The following YWHAZ variants were observed in gnomAD, a reference collection of about 807,000 sequenced individuals.
YWHAZ encodes 14-3-3 protein zeta/delta.
For missense variants in YWHAZ, 79 were observed against 284.8 expected, an observed-to-expected ratio of 0.28 and a Z score of 5.20; for synonymous variants, 87 against 103.6, an observed-to-expected ratio of 0.84 and a Z score of 0.97.
At chr8:100,939,425 C>T (rs866076948) in intron 2 of YWHAZ, among the ~76,000 whole-genome samples, 1 of 152,032 alleles carries the variant, frequency 6.6e-6, no homozygotes, top group Non-Finnish European at 1.5e-5. Context: ...CTTTGGAGGC[C>T]GAGGCGGGTG....
intron 1 of YWHAZ, chr8:100,950,611 C>T: frequency 1.0e-6 from 1 of 985,852 alleles, no homozygotes; most frequent in Non-Finnish European, 1.2e-6. Context: ...TTCCTCCCCC[C>T]GACCGGAGCC....
intron 2 of YWHAZ, among the ~76,000 whole-genome samples, chr8:100,935,838 T>C (rs1814110301): frequency 6.6e-6 from 1 of 152,224 alleles, no homozygotes. Context: ...TTCTTGTGTT[T>C]CACTACAGCA....
rs1465947992 is a variant in YWHAZ at position 100,917,397 on chromosome 8, A to C, written c.*3296T>G. ...AATCACACTGCTGCTCCACTTTCTG[A>C]AGGACAACTCTTAAGTGGCCAATTT... On this transcript the variant is annotated 3_prime_UTR_variant, in exon 6 of 6. Transcript: ENST00000395958. 6.6e-6 allele frequency: 1 copy of C among 151,580 alleles called. No individual in the cohort carries two copies. Among genetic ancestry groups the C allele is most frequent in the African/African-American group, 2.4e-5 (1 of 41,396 alleles). 9.4% of individuals were successfully genotyped at this position (151,580 alleles called of 1,614,324 possible).
At position 100,930,614 on chromosome 8, in the gene YWHAZ, A is replaced by T. The variant is rs115291621; in HGVS notation, c.295-5575T>A. ...ATTTAGAAATCCACAGTATTTCCTC[A>T]GTTTACTTCAAAATGTGGATGTAAG... On this transcript the variant is annotated intron_variant, in intron 2 of 5. Transcript: ENST00000395958. Among the ~76,000 whole-genome samples the T allele has an allele frequency of 8.1e-3, 1,226 of 152,284 alleles. 21 individuals are homozygous for T. Among genetic ancestry groups the T allele is most frequent in the African/African-American group, 0.028 (1,165 of 41,556 alleles).
At chr8:100,943,567 C>T (rs1411588090) in intron 2 of YWHAZ, among the ~76,000 whole-genome samples, 1 of 152,186 alleles carries the variant, frequency 6.6e-6, no homozygotes, top group Non-Finnish European at 1.5e-5. Flanking sequence ...GGCCTCTACA[C>T]CTTTCCATTC....
intron 1 of YWHAZ, chr8:100,950,981 G>A (rs1810707383): frequency 4.7e-6 from 1 of 212,664 alleles, no homozygotes; most frequent in Non-Finnish European, 8.1e-6. Flanking sequence ...TCAAGCACGG[G>A]AGCCGACTGC....
chr8:100,920,359 T>C lies in YWHAZ; in HGVS notation c.*334A>G, dbSNP rs1812924273. ...CCAGGACAAACCAGTATGTAGGCAG[T>C]TTTCTTTGCTTAGACATGGAAGCAG... On this transcript the variant is annotated 3_prime_UTR_variant, in exon 6 of 6. Transcript: ENST00000395958. 4.0e-6 allele frequency: 1 copy of C among 251,388 alleles called. No homozygotes were observed. The highest frequency in any genetic ancestry group is 5.2e-5 in the Admixed American group (1 of 19,274). The allele number at this position is 251,388 out of a possible 1,614,324, so 15.6% of individuals were successfully genotyped here. A position where few individuals can be genotyped will look rare whatever the true frequency, so the allele number is the denominator to read the frequency against.
At chr8:100,953,305 G>A (rs1810929856), upstream of YWHAZ, 1 of 985,558 alleles carries the variant, frequency 1.0e-6, no homozygotes, top group Non-Finnish European at 1.2e-6. Context: ...GAGGGACGTC[G>A]TAGTCCCCAG....
intron 1 of YWHAZ, chr8:100,950,294 CA>C (rs1208405681): frequency 1.2e-6 from 1 of 830,956 alleles, no homozygotes; most frequent in Non-Finnish European, 1.5e-6. Flanking sequence ...ATTCTCTCCC[CA>C]ATCACTTCGG....
chr8:100,934,152 C>CT (rs34699406), intron 2 of YWHAZ, among the ~76,000 whole-genome samples: 1 of 115,664 alleles, frequency 8.6e-6, no homozygotes, highest in African/African-American at 3.3e-5. Flanking sequence ...AAGCTAGACT[C>CT]GTCTCAAAAA....
upstream of YWHAZ, chr8:100,952,621 C>A (rs990632608): frequency 5.0e-5 from 14 of 279,936 alleles, 1 homozygote; most frequent in East Asian, 5.3e-4. Context: ...GTAGTAACTG[C>A]CCCAGGGCCG....
At position 100,916,900 on chromosome 8, in the gene YWHAZ, G is replaced by C. The variant is rs1307377182; in HGVS notation, c.*3793C>G. On this transcript the variant is annotated 3_prime_UTR_variant, in exon 6 of 6. Coordinates refer to ENST00000395958, the MANE Select transcript of YWHAZ (RefSeq NM_145690.3). ...AAGTATTTAATTAGTTTCACACTTAGAAAAGAATCCAAGTCTATTTTCCAA... is the reference window on the plus strand; with the variant it reads ...AAGTATTTAATTAGTTTCACACTTACAAAAGAATCCAAGTCTATTTTCCAA... 1 of 75,176 alleles carries C rather than the reference G, an allele frequency of 1.3e-5. No individual in the cohort carries two copies. Among genetic ancestry groups the C allele is most frequent in the African/African-American group, 3.0e-5 (1 of 33,350 alleles). The allele number at this position is 75,176 out of a possible 1,614,324, so 4.7% of individuals were successfully genotyped here. A position where few individuals can be genotyped will look rare whatever the true frequency, so the allele number is the denominator to read the frequency against.
chr8:100,936,203 T>C (rs1814135553), intron 2 of YWHAZ, among the ~76,000 whole-genome samples: 2 of 152,224 alleles, frequency 1.3e-5, no homozygotes, highest in Non-Finnish European at 2.9e-5. Context: ...GGGATCCTAT[T>C]TTCCCCTTTG....
At chr8:100,933,842 T>A (rs1295129496) in intron 2 of YWHAZ, among the ~76,000 whole-genome samples, 1 of 151,998 alleles carries the variant, frequency 6.6e-6, no homozygotes, top group Non-Finnish European at 1.5e-5. Context: ...ACCCCATCTC[T>A]ACTAAAAATA....
rs1382153522 is a variant in YWHAZ at position 100,918,406 on chromosome 8, CTTTATATATATATATATATATA to C, written c.*2265_*2286del. ...TCAGTCTAGCTATAAAATATAATTA[CTTTATATATATATATATATATA>C]TATATATATATATATAATTATTTTA... On this transcript the variant is annotated 3_prime_UTR_variant, in exon 6 of 6. Coordinates refer to ENST00000395958, the MANE Select transcript of YWHAZ (RefSeq NM_145690.3). The C allele has an allele frequency of 1.0e-4, 2 of 19,618 alleles. No homozygotes were observed. Among genetic ancestry groups the C allele is most frequent in the African/African-American group, 2.6e-4 (2 of 7,578 alleles). The allele number at this position is 19,618 out of a possible 1,614,324, so 1.2% of individuals were successfully genotyped here. A position where few individuals can be genotyped will look rare whatever the true frequency, so the allele number is the denominator to read the frequency against.
At chr8:100,952,384 C>G (rs1810863583), upstream of YWHAZ, 2 of 157,384 alleles carry the variant, frequency 1.3e-5, no homozygotes, top group Admixed American at 1.3e-4. Flanking sequence ...TTTGGGTCCC[C>G]AACGCCCTCT....
chr8:100,930,290 G>A lies in YWHAZ; in HGVS notation c.295-5251C>T, dbSNP rs149430005. 5.2e-3 allele frequency among the ~76,000 whole-genome samples: 786 copies of A among 152,228 alleles called. 9 individuals carry two copies. Among genetic ancestry groups the A allele is most frequent in the African/African-American group, 0.017 (717 of 41,536 alleles). ...ATTTTTGTATTTTTAGTAGAGACAG[G>A]GTTTCACTGCATTGGCCAGGCTAGT... is the stretch of plus-strand genomic sequence containing the variant. On this transcript the variant is annotated intron_variant, in intron 2 of 5. Coordinates refer to ENST00000395958, the MANE Select transcript of YWHAZ (RefSeq NM_145690.3).
At chr8:100,940,062 C>CAAT (rs1814522146) in intron 2 of YWHAZ, among the ~76,000 whole-genome samples, 1 of 99,026 alleles carries the variant, frequency 1.0e-5, no homozygotes, top group Non-Finnish European at 2.0e-5. Flanking sequence ...GACTCCGTCT[C>CAAT]AAAAAAAAAA....
intron 1 of YWHAZ, among the ~76,000 whole-genome samples, chr8:100,950,119 A>G (rs1397644335): frequency 6.6e-6 from 1 of 152,190 alleles, no homozygotes; most frequent in Non-Finnish European, 1.5e-5. Context: ...CAAATAATTA[A>G]CCACTTTGGA....
Sources: allele counts gnomAD v4.1 joint callset (sites outside exome capture counted in the v4.1 genomes callset), GRCh38; gene constraint gnomAD v4.1.1; transcripts MANE v1.5; gene names NCBI Gene and HGNC (gene_info 2026-07-23, HGNC 2026-07-21).